PCDHA2: variants seen among roughly 807,000 people sequenced by gnomAD.
PCDHA2 encodes the protein protocadherin alpha 2, also known as protocadherin alpha-2.
Under a neutral mutation model 66.0 loss-of-function variants are expected in PCDHA2, and 58 were observed. The observed-to-expected ratio is 0.88, with a 90% CI of 0.71 to 1.09. PCDHA2 has a LOEUF of 1.09. Ranked by LOEUF, PCDHA2 falls within the 50% of genes least tolerant of loss-of-function variation. The pLI is 0.00. For missense variants in PCDHA2, 1,267 were observed against 1,242.3 expected (o/e 1.02, Z -0.30); for synonymous variants, 634 against 554.0 (o/e 1.14, Z -2.03).
At chr5:140,914,615 A>G (rs573524299) in intron 1 of PCDHA2, among the ~76,000 whole-genome samples, 12 of 151,836 alleles carry the variant, frequency 7.9e-5, no homozygotes, top group African/African-American at 2.9e-4. Context: ...GCCATTTTGT[A>G]ATTTGTTTTC....
chr5:140,836,723 A>G (rs1318584018), intron 1 of PCDHA2: 35 of 1,612,196 alleles, frequency 2.2e-5, no homozygotes, highest in Non-Finnish European at 2.9e-5. Flanking sequence ...CTCAGGGTCC[A>G]TCCTCTACAG....
At chr5:140,801,677 A>G in intron 1 of PCDHA2, 1 of 1,614,226 alleles carries the variant, frequency 6.2e-7, no homozygotes, top group Non-Finnish European at 8.5e-7. Flanking sequence ...CATCAGATGC[A>G]GATATCGGAA....
At chr5:140,851,219 C>A (rs2041993259) in intron 1 of PCDHA2, 5 of 1,147,562 alleles carry the variant, frequency 4.4e-6, no homozygotes, top group Non-Finnish European at 4.5e-6. Context: ...ACATTAACAT[C>A]ACTATCATTT....
At chr5:140,852,808 C>G in intron 1 of PCDHA2, 1 of 975,820 alleles carries the variant, frequency 1.0e-6, no homozygotes, top group Non-Finnish European at 1.2e-6. Context: ...TCATTTGTCT[C>G]CCGCCCTAAG....
At chr5:140,971,322 A>G (rs1344853773) in intron 1 of PCDHA2, among the ~76,000 whole-genome samples, 6 of 152,224 alleles carry the variant, frequency 3.9e-5, no homozygotes, top group Admixed American at 3.9e-4. Context: ...TCTAGGGAGA[A>G]AATTATTTCA....
chr5:140,796,363 A>C lies in PCDHA2; in HGVS notation c.1399A>C (p.Asn467His). 1 of 1,612,626 alleles carries C rather than the reference A, an allele frequency of 6.2e-7. No homozygotes were observed. ...QPEYTVFVKE[N>H]NPPGCHIFTV... ...TGAGTACACAGTATTCGTGAAGGAGAACAACCCGCCGGGCTGCCACATCTT... is the reference window on the plus strand; with the variant it reads ...TGAGTACACAGTATTCGTGAAGGAGCACAACCCGCCGGGCTGCCACATCTT... The change falls in exon 1 of 4, where the codon AAC (asparagine) becomes CAC (histidine). Residue 467 changes from asparagine to histidine, a missense_variant. Asn to His is a moderately conservative substitution (Grantham distance 68). Coordinates refer to ENST00000526136, the MANE Select transcript of PCDHA2 (RefSeq NM_018905.3).
intron 1 of PCDHA2, chr5:140,824,274 A>G (rs2150133903): frequency 1.5e-4 from 169 of 1,155,556 alleles, no homozygotes; most frequent in Middle Eastern, 6.1e-4. Context: ...CATGTATTAT[A>G]TGCTTTTTAT....
At chr5:140,997,091 G>A (rs73268064) in intron 3 of PCDHA2, among the ~76,000 whole-genome samples, 546 of 152,154 alleles carry the variant, frequency 3.6e-3, no homozygotes, top group Middle Eastern at 0.014. Flanking sequence ...AGAAAGTGCA[G>A]AGTTCTCATG....
chr5:140,849,154 C>G, intron 1 of PCDHA2: 1 of 1,231,386 alleles, frequency 8.1e-7, no homozygotes, highest in Non-Finnish European at 1.1e-6. Context: ...GGAGGCAAAC[C>G]CGAGCTGACT....
At chr5:140,915,686 A>G (rs1440972076) in intron 1 of PCDHA2, among the ~76,000 whole-genome samples, 2 of 150,988 alleles carry the variant, frequency 1.3e-5, no homozygotes, top group African/African-American at 2.4e-5. Flanking sequence ...AACTAGGGGT[A>G]TGGTGATGCA....
intron 3 of PCDHA2, among the ~76,000 whole-genome samples, chr5:140,985,188 C>T (rs1186148399): frequency 6.6e-6 from 1 of 152,192 alleles, no homozygotes; most frequent in African/African-American, 2.4e-5. Context: ...CCGCCTGCCT[C>T]GGTCTCCCAA....
chr5:140,969,148 G>T, intron 1 of PCDHA2: 1 of 1,614,102 alleles, frequency 6.2e-7, no homozygotes. Flanking sequence ...ACTGCTACAA[G>T]GCCTGTCTGA....
At chr5:140,829,328 C>T (rs782173510) in intron 1 of PCDHA2, 18 of 1,614,244 alleles carry the variant, frequency 1.1e-5, no homozygotes, top group African/African-American at 1.3e-5. Flanking sequence ...GGACAGTGCC[C>T]TGGACCGCGA....
At chr5:140,846,565 G>A (rs1349132740) in intron 1 of PCDHA2, among the ~76,000 whole-genome samples, 1 of 147,896 alleles carries the variant, frequency 6.8e-6, no homozygotes, top group African/African-American at 2.5e-5. Flanking sequence ...TAGTAGAGTC[G>A]GGGTTTCACC....
At chr5:140,925,966 A>G (rs782294082) in intron 1 of PCDHA2, among the ~76,000 whole-genome samples, 2 of 149,366 alleles carry the variant, frequency 1.3e-5, no homozygotes, top group Non-Finnish European at 3.0e-5. Flanking sequence ...CTATCACGCA[A>G]AAAAAAAGCC....
rs139860906 is a variant in PCDHA2, at chr5:140,989,355, C to T, written c.2536+6792C>T. On this transcript the variant is annotated intron_variant, in intron 3 of 3. Transcript: ENST00000526136. Reference sequence around the variant, plus strand: ...CTGACTCAGCTCAAAGGTGATAGGTCACCTGTGTGACTGAGAGCTTTGTGG... The same window carrying T: ...CTGACTCAGCTCAAAGGTGATAGGTTACCTGTGTGACTGAGAGCTTTGTGG... Among the ~76,000 whole-genome samples the T allele has an allele frequency of 1.6e-4, 25 of 152,258 alleles. No individual in the cohort carries two copies. In the East Asian group the frequency reaches 4.4e-3, roughly 27 times the overall value.
intron 3 of PCDHA2, among the ~76,000 whole-genome samples, chr5:140,995,648 G>A (rs548703031): frequency 1.3e-5 from 2 of 152,248 alleles, no homozygotes; most frequent in South Asian, 2.1e-4. Flanking sequence ...TAGAAAAGGA[G>A]AATCGAAAAG....
intron 1 of PCDHA2, among the ~76,000 whole-genome samples, chr5:140,950,215 T>C (rs2094460409): frequency 6.6e-6 from 1 of 152,030 alleles, no homozygotes; most frequent in Non-Finnish European, 1.5e-5. Flanking sequence ...TACCTAGTCA[T>C]TTACCATTTC....
At position 140,795,335 on chromosome 5, in the gene PCDHA2, A is replaced by G. The variant is rs1260753639; in HGVS notation, c.371A>G (p.Lys124Arg). The G allele has an allele frequency of 1.9e-6, 3 of 1,614,108 alleles. No homozygotes were observed. Among genetic ancestry groups the G allele is most frequent in the African/African-American group, 1.3e-5 (1 of 74,940 alleles). ...GTTTTCCATGTGGAAGTGGAGGTGA[A>G]GGACATTAACGACAACCCGCCAATA... ...LQVFHVEVEV[K>R]DINDNPPIFP... Residue 124 changes from lysine to arginine, a missense_variant, in exon 1 of 4, where the codon AAG becomes AGG. By Grantham distance (26) the Lys-to-Arg change is conservative. Transcript: ENST00000526136.
Sources: allele counts gnomAD v4.1 joint callset (sites outside exome capture counted in the v4.1 genomes callset), GRCh38; gene constraint gnomAD v4.1.1; transcripts MANE v1.5; gene names NCBI Gene and HGNC (gene_info 2026-07-23, HGNC 2026-07-21).